PPFIA2: variants seen among roughly 807,000 people sequenced by gnomAD.
PPFIA2 encodes liprin-alpha-2.
In PPFIA2, 46 loss-of-function variants were observed where a neutral mutation model predicts 175.5. That is an observed-to-expected ratio of 0.26 (90% CI 0.21 to 0.34). PPFIA2 has a LOEUF of 0.34. PPFIA2 is among the 10% of genes least tolerant of loss of function. PPFIA2 has a pLI of 1.00. For missense variants in PPFIA2, 1,179 were observed against 1,506.1 expected (o/e 0.78, Z 3.60); for synonymous variants, 568 against 511.4 (o/e 1.11, Z -1.49).
intron 4 of PPFIA2, among the ~76,000 whole-genome samples, chr12:81,671,266 AC>A (rs1415012730): frequency 1.3e-5 from 2 of 151,892 alleles, no homozygotes; most frequent in Non-Finnish European, 2.9e-5. Flanking sequence ...CTGCTTCCAA[AC>A]AACCACCTAT....
intron 22 of PPFIA2, among the ~76,000 whole-genome samples, chr12:81,315,718 A>T (rs1239479672): frequency 6.6e-6 from 1 of 151,618 alleles, no homozygotes; most frequent in South Asian, 2.1e-4. Context: ...TGAATGGGTG[A>T]TCTATGTGGA....
At chr12:81,522,377 T>C (rs1005783525) in intron 4 of PPFIA2, among the ~76,000 whole-genome samples, 2 of 152,112 alleles carry the variant, frequency 1.3e-5, no homozygotes, top group East Asian at 1.9e-4. Context: ...TCTTGCATGA[T>C]CAGAAAAATA....
At chr12:81,643,111 A>C (rs2065575092) in intron 4 of PPFIA2, among the ~76,000 whole-genome samples, 1 of 149,806 alleles carries the variant, frequency 6.7e-6, no homozygotes, top group African/African-American at 2.4e-5. Context: ...AAATATATTC[A>C]TTTTATTCTT....
intron 4 of PPFIA2, among the ~76,000 whole-genome samples, chr12:81,496,437 G>T (rs1258625459): frequency 6.6e-6 from 1 of 152,128 alleles, no homozygotes; most frequent in Non-Finnish European, 1.5e-5. Flanking sequence ...TGGTATTGGG[G>T]TTATAATAGG....
intron 3 of PPFIA2, among the ~76,000 whole-genome samples, chr12:81,706,246 T>C (rs551177581): frequency 1.3e-5 from 2 of 152,180 alleles, no homozygotes; most frequent in Non-Finnish European, 2.9e-5. Context: ...AGCATAAAAG[T>C]TTAACACTAT....
chr12:81,440,557 T>A (rs753167104), intron 6 of PPFIA2, among the ~76,000 whole-genome samples: 9 of 152,176 alleles, frequency 5.9e-5, no homozygotes, highest in Non-Finnish European at 8.8e-5. Flanking sequence ...TCTCTGTTTT[T>A]TATTAATTAG....
At chr12:81,513,802 G>A (rs187149587) in intron 4 of PPFIA2, among the ~76,000 whole-genome samples, 5 of 152,054 alleles carry the variant, frequency 3.3e-5, no homozygotes, top group Admixed American at 2.6e-4. Flanking sequence ...GAAGATCATT[G>A]TCATAAGAAT....
At chr12:81,638,598 A>G (rs574137662) in intron 4 of PPFIA2, among the ~76,000 whole-genome samples, 2 of 151,710 alleles carry the variant, frequency 1.3e-5, no homozygotes, top group Admixed American at 6.6e-5. Flanking sequence ...TGGGATATGT[A>G]CATAAGGATT....
At chr12:81,663,791 C>A (rs1193543051) in intron 4 of PPFIA2, among the ~76,000 whole-genome samples, 1 of 152,142 alleles carries the variant, frequency 6.6e-6, no homozygotes, top group Admixed American at 6.5e-5. Context: ...TCAAACTATA[C>A]TACAAGGCTA....
At chr12:81,572,997 CAA>C (rs1263190312) in intron 4 of PPFIA2, among the ~76,000 whole-genome samples, 1 of 150,938 alleles carries the variant, frequency 6.6e-6, no homozygotes, top group Non-Finnish European at 1.5e-5. Flanking sequence ...GAAAAACACA[CAA>C]GTGTATTAAT....
At chr12:81,663,452 T>C (rs570599579) in intron 4 of PPFIA2, among the ~76,000 whole-genome samples, 1 of 151,996 alleles carries the variant, frequency 6.6e-6, no homozygotes, top group African/African-American at 2.4e-5. Flanking sequence ...GCTTCAAAGA[T>C]AATAAAATAC....
intron 8 of PPFIA2, among the ~76,000 whole-genome samples, chr12:81,400,235 G>A (rs1208051716): frequency 6.6e-6 from 1 of 152,104 alleles, no homozygotes; most frequent in African/African-American, 2.4e-5. Flanking sequence ...ATGATGGAAT[G>A]AAATACTTTG....
chr12:81,445,993 T>G (rs186235258), intron 5 of PPFIA2, among the ~76,000 whole-genome samples: 20 of 152,316 alleles, frequency 1.3e-4, no homozygotes, highest in African/African-American at 4.6e-4. Context: ...ATAATTTCAG[T>G]ACGAATTCAG....
At chr12:81,436,279 T>TAAAA (rs763809833) in intron 7 of PPFIA2, among the ~76,000 whole-genome samples, 2 of 44,808 alleles carry the variant, frequency 4.5e-5, no homozygotes, top group Admixed American at 4.2e-4. Context: ...AGACCCTGTC[T>TAAAA]AAAAAAAAAA....
intron 4 of PPFIA2, among the ~76,000 whole-genome samples, chr12:81,526,112 C>A (rs1269471249): frequency 6.6e-6 from 1 of 152,112 alleles, no homozygotes; most frequent in Non-Finnish European, 1.5e-5. Context: ...TTTACATGCA[C>A]CCCTGTAGTT....
At chr12:81,522,267 C>T (rs1327852434) in intron 4 of PPFIA2, among the ~76,000 whole-genome samples, 1 of 152,168 alleles carries the variant, frequency 6.6e-6, no homozygotes, top group East Asian at 1.9e-4. Context: ...TAAATACTCT[C>T]CTATGTGTAC....
At position 81,445,942 on chromosome 12, in the gene PPFIA2, AAAATGTAATGC is replaced by A. The variant is rs1172200466; in HGVS notation, c.406-233_406-223del. ...ATCATTTAACAAGTTACTGAATTTA[AAAATGTAATGC>A]AAATGTAATGCAGTCCTTTAGCAAA... is the stretch of plus-strand genomic sequence containing the variant. On this transcript the variant is annotated intron_variant, in intron 5 of 32. Transcript: ENST00000549396. 2.6e-5 allele frequency among the ~76,000 whole-genome samples: 4 copies of A among 152,254 alleles called. No homozygotes were observed. The South Asian group carries it at 8.3e-4, about 31-fold the overall frequency.
chr12:81,495,187 C>T (rs1329079459), intron 4 of PPFIA2, among the ~76,000 whole-genome samples: 1 of 152,052 alleles, frequency 6.6e-6, no homozygotes, highest in Non-Finnish European at 1.5e-5. Context: ...AATTTAGCAA[C>T]TGTGCCTCCT....
intron 4 of PPFIA2, among the ~76,000 whole-genome samples, chr12:81,568,138 G>A (rs1567372047): frequency 6.6e-6 from 1 of 152,150 alleles, no homozygotes; most frequent in Non-Finnish European, 1.5e-5. Context: ...CCCACTAGGG[G>A]GTGGATAAAA....
Sources: allele counts gnomAD v4.1 joint callset (sites outside exome capture counted in the v4.1 genomes callset), GRCh38; gene constraint gnomAD v4.1.1; transcripts MANE v1.5; gene names NCBI Gene and HGNC (gene_info 2026-07-23, HGNC 2026-07-21).